BMPER: variants seen among roughly 807,000 people sequenced by gnomAD.
BMPER encodes BMP-binding endothelial regulator protein.
A neutral mutation model predicts 87.3 loss-of-function variants in BMPER; 45 were observed. The ratio of observed to expected loss-of-function variants is 0.52; its 90% CI spans 0.41 to 0.66. The LOEUF is 0.66. BMPER is among the 30% of genes least tolerant of loss of function. The pLI, the probability that BMPER is intolerant of heterozygous loss-of-function variation, is 0.00. For missense variants in BMPER, 784 were observed against 867.5 expected, an observed-to-expected ratio of 0.90 and a Z score of 1.21; for synonymous variants, 326 against 316.2, an observed-to-expected ratio of 1.03 and a Z score of -0.33.
At chr7:34,138,461 G>A (rs900864836) in intron 13 of BMPER, among the ~76,000 whole-genome samples, 5 of 152,180 alleles carry the variant, frequency 3.3e-5, no homozygotes, top group Non-Finnish European at 7.3e-5. Context: ...AGCTCCCTGG[G>A]CCCCTGCAGC....
intron 13 of BMPER, among the ~76,000 whole-genome samples, chr7:34,102,109 A>G (rs746831869): frequency 4.6e-5 from 7 of 150,678 alleles, no homozygotes; most frequent in Non-Finnish European, 4.4e-5. Flanking sequence ...ACTTGATTCA[A>G]GGTTTCCATG....
chr7:34,017,075 G>A (rs780861356), intron 6 of BMPER, among the ~76,000 whole-genome samples: 5 of 151,932 alleles, frequency 3.3e-5, no homozygotes, highest in Admixed American at 3.3e-4. Flanking sequence ...TGGAAGGCCA[G>A]TCACTCCAGA....
intron 6 of BMPER, among the ~76,000 whole-genome samples, chr7:34,002,413 T>C (rs930093812): frequency 2.6e-5 from 4 of 151,808 alleles, no homozygotes; most frequent in Admixed American, 6.6e-5. Flanking sequence ...TAAGGTAGGC[T>C]CAGGCTAAGC....
intron 11 of BMPER, among the ~76,000 whole-genome samples, chr7:34,068,680 A>G (rs1246163807): frequency 2.6e-5 from 4 of 151,632 alleles, no homozygotes; most frequent in Non-Finnish European, 4.4e-5. Flanking sequence ...GATCTCCCCA[A>G]ATTTTCTTTT....
intron 1 of BMPER, 42 bp downstream of exon 1, chr7:33,905,788 G>T (rs771249296): frequency 1.6e-6 from 2 of 1,280,626 alleles, no homozygotes; most frequent in South Asian, 2.3e-5. Flanking sequence ...CGGGACGCCG[G>T]TTTGGTACCT....
chr7:33,953,807 T>C lies in BMPER; in HGVS notation c.320-12672T>C, dbSNP rs1032033084. Among the ~76,000 whole-genome samples the C allele has an allele frequency of 1.2e-4, 18 of 152,270 alleles. No individual in the cohort carries two copies. In the South Asian group the frequency reaches 3.7e-3, roughly 32 times the overall value. Reference sequence around the variant, plus strand: ...CATTAAACAATATCTTCTCTTTCTCTCCTCCCCTCAGCCCTTGGTAGCCTG... The same window carrying C: ...CATTAAACAATATCTTCTCTTTCTCCCCTCCCCTCAGCCCTTGGTAGCCTG... On this transcript the variant is annotated intron_variant, in intron 3 of 14. Coordinates refer to ENST00000649409, the MANE Select transcript of BMPER (RefSeq NM_001365308.1).
chr7:34,153,476 G>C lies in BMPER; in HGVS notation c.*203G>C. 1 of 588,770 alleles carries C rather than the reference G, an allele frequency of 1.7e-6. No homozygotes were observed. Among genetic ancestry groups the C allele is most frequent in the East Asian group, 3.0e-5 (1 of 32,992 alleles). 36.5% of individuals were successfully genotyped at this position (588,770 alleles called of 1,614,324 possible). On this transcript the variant is annotated 3_prime_UTR_variant, in exon 15 of 15. Transcript: ENST00000649409. The stretch of plus-strand genomic sequence containing the variant: ...GGGGATTATTATATGTATATTTTTT[G>C]CTATAAGACATGTATTGTTTCTAGG...
chr7:34,154,570 T>C lies in BMPER; in HGVS notation c.*1297T>C, dbSNP rs1791265926. On this transcript the variant is annotated 3_prime_UTR_variant, in exon 15 of 15. Transcript: ENST00000649409. ...TATCAACTTCAGATTCATTAAATTT[T>C]AACAGCTGTATTTAGTTATAATTTT... 1 of 152,236 alleles carries C rather than the reference T, an allele frequency of 6.6e-6. No individual in the cohort carries two copies. The highest frequency in any genetic ancestry group is 6.5e-5 in the Admixed American group (1 of 15,284). 9.4% of individuals were successfully genotyped at this position (152,236 alleles called of 1,614,324 possible). A position where few individuals can be genotyped will look rare whatever the true frequency, so the allele number is the denominator to read the frequency against.
chr7:34,020,888 ACACG>A (rs958960948), intron 6 of BMPER, among the ~76,000 whole-genome samples: 17 of 147,238 alleles, frequency 1.2e-4, no homozygotes, highest in African/African-American at 3.1e-4. Flanking sequence ...ACACACACAC[ACACG>A]CACGCACACA....
At chr7:33,996,428 A>G (rs1279358047) in intron 6 of BMPER, among the ~76,000 whole-genome samples, 2 of 152,140 alleles carry the variant, frequency 1.3e-5, no homozygotes, top group Non-Finnish European at 2.9e-5. Context: ...TTTTAAGCCT[A>G]AGTTTTCTGG....
intron 2 of BMPER, among the ~76,000 whole-genome samples, chr7:33,927,175 TGTCAAG>T (rs1784379557): frequency 6.6e-6 from 1 of 152,242 alleles, no homozygotes. Context: ...TCCATTTACT[TGTCAAG>T]ATCAGGTATT....
At chr7:34,111,489 A>C (rs986019364) in intron 13 of BMPER, among the ~76,000 whole-genome samples, 2 of 152,224 alleles carry the variant, frequency 1.3e-5, no homozygotes, top group African/African-American at 4.8e-5. Context: ...TGGGTGGTCT[A>C]TGGAAAATAA....
intron 2 of BMPER, among the ~76,000 whole-genome samples, chr7:33,925,331 C>A (rs542178959): frequency 6.6e-6 from 1 of 152,032 alleles, no homozygotes; most frequent in Non-Finnish European, 1.5e-5. Flanking sequence ...GATGACTTGC[C>A]CTTTTCGTAG....
chr7:34,021,781 A>G (rs1787194608), intron 6 of BMPER, among the ~76,000 whole-genome samples: 1 of 152,046 alleles, frequency 6.6e-6, no homozygotes, highest in Admixed American at 6.6e-5. Context: ...AGAAAATACC[A>G]AGTTGTCCAA....
intron 14 of BMPER, among the ~76,000 whole-genome samples, chr7:34,146,896 ATTTG>A (rs547319076): frequency 1.3e-3 from 199 of 152,190 alleles, no homozygotes; most frequent in African/African-American, 4.6e-3. Flanking sequence ...TCCAATTTCT[ATTTG>A]TTTGTTCCCT....
intron 3 of BMPER, among the ~76,000 whole-genome samples, chr7:33,941,062 T>G (rs1305040118): frequency 1.5e-5 from 2 of 134,552 alleles, no homozygotes; most frequent in Non-Finnish European, 3.1e-5. Flanking sequence ...ATGTAATATA[T>G]TACATATAAT....
intron 14 of BMPER, among the ~76,000 whole-genome samples, chr7:34,151,733 G>A (rs1014578): frequency 0.6 from 91,068 of 152,080 alleles, 27,643 homozygotes; most frequent in East Asian, 0.78. Flanking sequence ...AACAGTTGAG[G>A]CAGGGATAAA....
intron 6 of BMPER, among the ~76,000 whole-genome samples, chr7:34,035,310 A>G (rs1262842017): frequency 6.6e-6 from 1 of 152,226 alleles, no homozygotes; most frequent in East Asian, 1.9e-4. Flanking sequence ...TGCACATAAC[A>G]ATGGATACCA....
intron 10 of BMPER, 141 bp downstream of exon 10, chr7:34,058,304 A>G (rs1265761068): frequency 5.0e-6 from 4 of 800,526 alleles, no homozygotes; most frequent in East Asian, 2.7e-5. Context: ...TGCCTCTTGC[A>G]AAGTTTGCTC....
Sources: allele counts gnomAD v4.1 joint callset (sites outside exome capture counted in the v4.1 genomes callset), GRCh38; gene constraint gnomAD v4.1.1; transcripts MANE v1.5; gene names NCBI Gene and HGNC (gene_info 2026-07-23, HGNC 2026-07-21).